ZFHX3: variants seen among roughly 807,000 people sequenced by gnomAD.
The protein encoded by ZFHX3 is zinc finger homeobox 3, also known as zinc finger homeobox protein 3.
Under a neutral mutation model 279.1 loss-of-function variants are expected in ZFHX3, and 42 were observed. The ratio of observed to expected loss-of-function variants is 0.15; its 90% confidence interval spans 0.12 to 0.19. The LOEUF (loss-of-function observed/expected upper bound fraction) is 0.19. Among genes scored for constraint, ZFHX3 ranks in the 10% least tolerant of loss-of-function variants. The pLI is 1.00. For synonymous variants in ZFHX3, 2,293 were observed against 1,957.8 expected, an observed-to-expected ratio of 1.17 and a Z score of -4.52; for missense variants, 4,981 against 4,754.0, an observed-to-expected ratio of 1.05 and a Z score of -1.40.
At chr16:73,768,907 C>T (rs1035958387) in intron 1 of ZFHX3, among the ~76,000 whole-genome samples, 2 of 152,158 alleles carry the variant, frequency 1.3e-5, no homozygotes, top group Non-Finnish European at 1.5e-5. Context: ...AGTGAACCCA[C>T]ATACCAGAAA....
intron 1 of ZFHX3, among the ~76,000 whole-genome samples, chr16:73,789,245 A>G (rs1223602670): frequency 6.6e-6 from 1 of 151,870 alleles, no homozygotes; most frequent in Non-Finnish European, 1.5e-5. Context: ...CAGTGGTGTG[A>G]TATCAACTCA....
In ZFHX3 at chr16:73,244,478, TG is replaced by T. The variant is rs984892055; in HGVS notation, c.-1104+12568del. On this transcript the variant is annotated intron_variant, in intron 5 of 17. Coordinates refer to the ZFHX3 transcript ENST00000641206. ...CAGGACATGGGGGCCAGAAGGGCTT[TG>T]GGAACAAGGCAACTGATTATGGCAT... Among the ~76,000 whole-genome samples the T allele has an allele frequency of 8.5e-5, 13 of 152,272 alleles. 1 individual carries two copies. The highest frequency in any genetic ancestry group is 6.2e-4 in the South Asian group (3 of 4,818).
chr16:73,675,264 A>AG (rs1380006318), intron 2 of ZFHX3, among the ~76,000 whole-genome samples: 1 of 152,172 alleles, frequency 6.6e-6, no homozygotes, highest in Non-Finnish European at 1.5e-5. Flanking sequence ...GCAGAGTCAC[A>AG]GCCCAAGTAC....
intron 2 of ZFHX3, among the ~76,000 whole-genome samples, chr16:73,612,513 A>T (rs1393172134): frequency 1.3e-5 from 2 of 152,236 alleles, no homozygotes; most frequent in African/African-American, 4.8e-5. Context: ...GTTTCAAATA[A>T]TAAATAAACT....
intron 3 of ZFHX3, among the ~76,000 whole-genome samples, chr16:72,935,305 A>G (rs1361275946): frequency 1.3e-5 from 2 of 151,860 alleles, no homozygotes; most frequent in Non-Finnish European, 2.9e-5. Context: ...GGGGACAATC[A>G]GATATGGGAC....
chr16:73,311,536 G>C (rs1567447166), intron 4 of ZFHX3, among the ~76,000 whole-genome samples: 1 of 142,492 alleles, frequency 7.0e-6, no homozygotes, highest in South Asian at 2.2e-4. Flanking sequence ...GTTGCAGTGA[G>C]CTGAGATTAT....
Position 73,129,379 on chromosome 16 carries a change from GACACAC to G in ZFHX3, c.-897+1583_-897+1588del, listed in dbSNP as rs59666622. Among the ~76,000 whole-genome samples, 1,120 of 137,882 alleles carry G rather than the reference GACACAC, an allele frequency of 8.1e-3. 5 individuals carry two copies. The highest frequency in any genetic ancestry group is 0.023 in the African/African-American group (844 of 36,456). 90.5% of individuals were successfully genotyped at this position (137,882 alleles called of 152,430 possible). On this transcript the variant is annotated intron_variant, in intron 7 of 17. Coordinates refer to the ZFHX3 transcript ENST00000641206. ...CTCCAGCCTGGGTGGCAGAGACTCT[GACACAC>G]ACACACACACACACACACACACACA...
At chr16:73,211,714 G>A (rs1220838761) in intron 5 of ZFHX3, among the ~76,000 whole-genome samples, 1 of 151,446 alleles carries the variant, frequency 6.6e-6, no homozygotes, top group South Asian at 2.1e-4. Context: ...CTTTCTCTTG[G>A]TTATTATGAT....
intron 3 of ZFHX3, among the ~76,000 whole-genome samples, chr16:72,906,322 G>T (rs1452578788): frequency 2.0e-5 from 3 of 152,040 alleles, no homozygotes; most frequent in Non-Finnish European, 4.4e-5. Flanking sequence ...TCACTGTACT[G>T]CAGGCCCAAG....
chr16:73,284,115 A>G lies in ZFHX3; in HGVS notation c.-1193-26979T>C, dbSNP rs1034159597. 1.6e-4 allele frequency among the ~76,000 whole-genome samples: 24 copies of G among 152,088 alleles called. 1 individual carries two copies. The highest frequency in any genetic ancestry group is 1.5e-5 in the Non-Finnish European group (1 of 68,008). On this transcript the variant is annotated intron_variant, in intron 4 of 17. Transcript: ENST00000641206. ...GGGTGGATCATGAGGTCAAGAGTTC[A>G]AGACCAGCCTGGACAAGATGGTGAA... is the stretch of plus-strand genomic sequence containing the variant.
At chr16:73,780,697 C>T (rs1192959577) in intron 1 of ZFHX3, among the ~76,000 whole-genome samples, 1 of 152,206 alleles carries the variant, frequency 6.6e-6, no homozygotes, top group Non-Finnish European at 1.5e-5. Flanking sequence ...CCACCTGGGC[C>T]TCCCAAAGAG....
chr16:73,502,039 T>C (rs1304784603), intron 2 of ZFHX3, among the ~76,000 whole-genome samples: 1 of 151,772 alleles, frequency 6.6e-6, no homozygotes, highest in East Asian at 1.9e-4. Context: ...TTTTTCTGTT[T>C]CTCTCCACCA....
chr16:73,124,807 C>T (rs1354685322), intron 7 of ZFHX3, among the ~76,000 whole-genome samples: 1 of 152,266 alleles, frequency 6.6e-6, no homozygotes, highest in African/African-American at 2.4e-5. Context: ...GGGGACAGAG[C>T]AGGTGGGGTC....
chr16:72,911,538 G>A (rs1039880370), intron 3 of ZFHX3, among the ~76,000 whole-genome samples: 3 of 152,160 alleles, frequency 2.0e-5, no homozygotes, highest in Admixed American at 6.5e-5. Context: ...ACAACGTGTC[G>A]GGGAAGGTTT....
chr16:72,861,186 G>A (rs1003910683), intron 4 of ZFHX3, among the ~76,000 whole-genome samples: 3 of 152,196 alleles, frequency 2.0e-5, no homozygotes, highest in Non-Finnish European at 4.4e-5. Context: ...CAGCCACTGG[G>A]CTGTCTTGTC....
chr16:73,741,322 C>G (rs778106044), intron 1 of ZFHX3, among the ~76,000 whole-genome samples: 1 of 152,138 alleles, frequency 6.6e-6, no homozygotes, highest in Admixed American at 6.6e-5. Flanking sequence ...AAATGGACAG[C>G]AAGTGCCAAT....
chr16:73,118,628 C>T (rs968549977), intron 7 of ZFHX3, among the ~76,000 whole-genome samples: 6 of 152,134 alleles, frequency 3.9e-5, no homozygotes, highest in African/African-American at 1.4e-4. Context: ...CTTATTTAAT[C>T]ACAGGTCACT....
chr16:73,084,590 G>A (rs892571777), intron 8 of ZFHX3, among the ~76,000 whole-genome samples: 1 of 144,902 alleles, frequency 6.9e-6, no homozygotes, highest in South Asian at 2.1e-4. Context: ...GCACGATCTC[G>A]GCTCACTGCA....
intron 7 of ZFHX3, among the ~76,000 whole-genome samples, chr16:73,105,372 T>TATATATACACACACACACAC (rs1567389772): frequency 7.3e-5 from 2 of 27,526 alleles, no homozygotes; most frequent in African/African-American, 1.5e-4. Context: ...TATACACACA[T>TATATATACACACACACACAC]ATATATATAT....
Sources: gnomAD v4.1 joint callset for allele counts (sites outside exome capture counted in the v4.1 genomes callset) on GRCh38, gnomAD v4.1.1 for gene constraint, MANE v1.5 for transcripts, NCBI Gene and HGNC (gene_info 2026-07-23, HGNC 2026-07-21) for gene names.